DACH2: variants seen among roughly 807,000 people sequenced by gnomAD.
The protein encoded by DACH2 is dachshund homolog 2.
Under a neutral mutation model 35.8 loss-of-function variants are expected in DACH2, and 17 were observed. That is an observed-to-expected ratio of 0.48 (90% CI 0.33 to 0.71). The LOEUF is 0.71. DACH2 is among the 30% of genes least tolerant of loss of function. The probability of loss-of-function intolerance (pLI) is 0.02; values close to 1 mark genes in which losing one functional copy is unlikely to be tolerated. For synonymous variants in DACH2, 195 were observed against 177.3 expected, an observed-to-expected ratio of 1.10 and a Z score of -0.79; for missense variants, 469 against 472.7, an observed-to-expected ratio of 0.99 and a Z score of 0.07.
intron 4 of DACH2, among the ~76,000 whole-genome samples, chrX:86,659,387 T>C (rs779444182): frequency 1.8e-5 from 2 of 111,371 alleles, no homozygotes; most frequent in Non-Finnish European, 3.8e-5. Context: ...ATTACATTTC[T>C]TGTTTTGTCA....
intron 4 of DACH2, among the ~76,000 whole-genome samples, chrX:86,681,546 C>T (rs1251620347): frequency 9.3e-6 from 1 of 108,058 alleles, no homozygotes; most frequent in Non-Finnish European, 1.9e-5. Flanking sequence ...CACCACTGCA[C>T]TCCAGCCTGG....
At chrX:86,525,914 T>C (rs751707894) in intron 3 of DACH2, among the ~76,000 whole-genome samples, 2 of 111,942 alleles carry the variant, frequency 1.8e-5, no homozygotes, top group African/African-American at 6.5e-5. Flanking sequence ...AATTCACAAA[T>C]TACATGAAAT....
intron 3 of DACH2, among the ~76,000 whole-genome samples, chrX:86,616,019 A>C (rs774601896): frequency 5.0e-4 from 56 of 111,302 alleles, no homozygotes; most frequent in Non-Finnish European, 9.8e-4. Context: ...AAGTGAGAAT[A>C]TATGGTATTC....
intron 2 of DACH2, among the ~76,000 whole-genome samples, chrX:86,495,370 T>TA (rs906941943): frequency 1.0e-4 from 11 of 109,382 alleles, no homozygotes; most frequent in East Asian, 5.7e-4. Context: ...TTTTTTTTTT[T>TA]AACTAAGACT....
rs753648605 is a variant in DACH2 at position 86,625,835 on chromosome X, A to G, written c.641-25201A>G. Among the ~76,000 whole-genome samples the G allele has an allele frequency of 5.4e-5, 6 of 111,253 alleles. No individual in the cohort carries two copies. In the South Asian group the frequency reaches 2.3e-3, roughly 43 times the overall value. On this transcript the variant is annotated intron_variant, in intron 3 of 11. Coordinates refer to ENST00000373125, the MANE Select transcript of DACH2 (RefSeq NM_053281.3). Reference sequence around the variant, plus strand: ...AGCATGGGAAAACCCCACCCCATTGATTCAATTACCTCCCACCAGGTCTTC... The same window carrying G: ...AGCATGGGAAAACCCCACCCCATTGGTTCAATTACCTCCCACCAGGTCTTC...
At chrX:86,760,395 A>C (rs190109940) in intron 7 of DACH2, among the ~76,000 whole-genome samples, 1 of 111,502 alleles carries the variant, frequency 9.0e-6, no homozygotes, top group African/African-American at 3.3e-5. Context: ...ATACTTTTTC[A>C]ATTCTTTTTT....
At chrX:86,345,966 G>T (rs1344130151) in intron 1 of DACH2, among the ~76,000 whole-genome samples, 1 of 112,101 alleles carries the variant, frequency 8.9e-6, no homozygotes, top group East Asian at 2.8e-4. Context: ...TGAAAATGAT[G>T]ATTGTGATTT....
At chrX:86,603,847 C>A (rs1448854006) in intron 3 of DACH2, among the ~76,000 whole-genome samples, 1 of 111,009 alleles carries the variant, frequency 9.0e-6, no homozygotes, top group Non-Finnish European at 1.9e-5. Context: ...ACTTTGTTCC[C>A]TTTTCATTTA....
intron 1 of DACH2, among the ~76,000 whole-genome samples, chrX:86,303,937 G>A (rs1408075154): frequency 1.8e-5 from 2 of 111,232 alleles, no homozygotes; most frequent in Admixed American, 9.6e-5. Context: ...AAACAATCTT[G>A]AGTAGAACAA....
At chrX:86,512,997 A>G in intron 2 of DACH2, 1 of 316,884 alleles carries the variant, frequency 3.2e-6, no homozygotes, top group Non-Finnish European at 6.1e-6. Flanking sequence ...CTAGATTGAT[A>G]TATAATATTG....
Position 86,623,846 on chromosome X carries a change from G to A in DACH2, c.641-27190G>A, listed in dbSNP as rs770193431. Among the ~76,000 whole-genome samples the A allele has an allele frequency of 6.8e-3, 658 of 96,158 alleles. 23 individuals are homozygous for A. The highest frequency in any genetic ancestry group is 0.023 in the African/African-American group (628 of 26,897). The allele number at this position is 96,158 out of a possible 115,157, so 83.5% of individuals were successfully genotyped here. ...GGGCGGATCACGAGGTCAGGAGATC[G>A]AGACCATCCTGGCTAACACGGTGAA... On this transcript the variant is annotated intron_variant, in intron 3 of 11. Coordinates refer to ENST00000373125, the MANE Select transcript of DACH2 (RefSeq NM_053281.3).
At chrX:86,779,438 T>G (rs754435570) in intron 7 of DACH2, among the ~76,000 whole-genome samples, 2 of 111,557 alleles carry the variant, frequency 1.8e-5, no homozygotes, top group Non-Finnish European at 3.8e-5. Context: ...ATGTAAGACT[T>G]TATAGGCTAT....
At chrX:86,296,991 C>A (rs1195076259) in intron 1 of DACH2, among the ~76,000 whole-genome samples, 10 of 105,831 alleles carry the variant, frequency 9.4e-5, no homozygotes, top group Non-Finnish European at 1.9e-4. Flanking sequence ...CGTTTTCTGG[C>A]TTCAGAGTCA....
intron 3 of DACH2, among the ~76,000 whole-genome samples, chrX:86,610,576 A>G (rs2039931211): frequency 9.2e-6 from 1 of 108,695 alleles, no homozygotes; most frequent in South Asian, 4.1e-4. Flanking sequence ...AGCTGGGACT[A>G]CAGGTTGTGC....
At chrX:86,747,897 C>T (rs2041730383) in intron 7 of DACH2, among the ~76,000 whole-genome samples, 1 of 112,142 alleles carries the variant, frequency 8.9e-6, no homozygotes, top group South Asian at 3.6e-4. Flanking sequence ...AGACAATTCT[C>T]TTAAACTCTA....
chrX:86,553,201 C>T (rs2039073776), intron 3 of DACH2, among the ~76,000 whole-genome samples: 1 of 111,323 alleles, frequency 9.0e-6, no homozygotes, highest in Admixed American at 9.6e-5. Flanking sequence ...ATCCCTAGAG[C>T]CCCTGGCAAA....
chrX:86,459,851 C>T (rs1487168695), intron 2 of DACH2, among the ~76,000 whole-genome samples: 1 of 90,959 alleles, frequency 1.1e-5, no homozygotes, highest in Non-Finnish European at 2.2e-5. Context: ...CATTAATGGG[C>T]TCTTGACTTT....
At chrX:86,790,782 T>A (rs560057667) in intron 7 of DACH2, among the ~76,000 whole-genome samples, 2 of 111,072 alleles carry the variant, frequency 1.8e-5, no homozygotes, top group African/African-American at 6.5e-5. Flanking sequence ...CTAAAAGCGA[T>A]CCTCCTGCCT....
At chrX:86,276,202 C>T (rs1352885425) in intron 1 of DACH2, among the ~76,000 whole-genome samples, 1 of 111,847 alleles carries the variant, frequency 8.9e-6, no homozygotes, top group East Asian at 2.8e-4. Flanking sequence ...TTGTTATTGC[C>T]TGTCTTTTGG....
Sources: gnomAD v4.1 joint callset for allele counts (sites outside exome capture counted in the v4.1 genomes callset) on GRCh38, gnomAD v4.1.1 for gene constraint, MANE v1.5 for transcripts, NCBI Gene and HGNC (gene_info 2026-07-23, HGNC 2026-07-21) for gene names.